The following LSS variants were observed in gnomAD, a reference collection of about 807,000 sequenced individuals.
LSS encodes 2,3-epoxysqualene-lanosterol cyclase.
A neutral mutation model predicts 110.3 loss-of-function variants in LSS; 90 were observed. The ratio of observed to expected loss-of-function variants is 0.82; its 90% CI spans 0.69 to 0.97. The LOEUF is 0.97. LSS is among the 50% of genes least tolerant of loss of function. The pLI is 0.00. For missense variants in LSS, 927 were observed against 990.0 expected (o/e 0.94, Z 0.85); for synonymous variants, 433 against 400.0 (o/e 1.08, Z -0.98).
chr21:46,197,610 C>CG, intron 17 of LSS, among the ~76,000 whole-genome samples: 1 of 152,318 alleles, frequency 6.6e-6, no homozygotes, highest in Middle Eastern at 3.4e-3. Flanking sequence ...AAACTGCTGC[C>CG]GGGCGCAGTG....
chr21:46,214,263 G>T (rs753592513), intron 9 of LSS, among the ~76,000 whole-genome samples: 8 of 152,250 alleles, frequency 5.3e-5, no homozygotes, highest in Non-Finnish European at 1.0e-4. Context: ...CCTCAGAACA[G>T]AATGTTCCAG....
chr21:46,199,399 C>T (rs2079950729), intron 17 of LSS, among the ~76,000 whole-genome samples: 1 of 152,218 alleles, frequency 6.6e-6, no homozygotes, highest in South Asian at 2.1e-4. Context: ...CAACAAAACG[C>T]TCATCATTGC....
chr21:46,190,943 TCCCCATCCCTGCCTCCAGC>T lies in LSS; in HGVS notation c.*142_*160del. 2 of 774,844 alleles carry T rather than the reference TCCCCATCCCTGCCTCCAGC, an allele frequency of 2.6e-6. No homozygotes were observed. The highest frequency in any genetic ancestry group is 3.5e-5 in the African/African-American group (2 of 56,552). 48.0% of individuals were successfully genotyped at this position (774,844 alleles called of 1,614,324 possible). A position where few individuals can be genotyped will look rare whatever the true frequency, so the allele number is the denominator to read the frequency against. On this transcript the variant is annotated 3_prime_UTR_variant, in exon 22 of 22. Coordinates refer to ENST00000397728, the MANE Select transcript of LSS (RefSeq NM_002340.6). The surrounding 1 kb of genome is among the most constrained non-coding windows in gnomAD (Gnocchi z 4.6). ...TCAAGAGTCTAAGCCACCCACCCTG[TCCCCATCCCTGCCTCCAGC>T]CTGGCCCCCAGATTCACATCTATGA...
intron 13 of LSS, among the ~76,000 whole-genome samples, chr21:46,208,943 G>T (rs1012814989): frequency 1.3e-5 from 2 of 152,188 alleles, no homozygotes; most frequent in African/African-American, 4.8e-5. Flanking sequence ...AGACGGGGCT[G>T]GGGGGCAGCG....
Position 46,208,592 on chromosome 21 carries a change from G to C in LSS, c.1267-291C>G, listed in dbSNP as rs571725453. ...TCCCCTGTGATCTCCCCACCGGCCAGAAGGCAGGGAGGGGGCCCAGGTCTC... is the reference window on the plus strand; with the variant it reads ...TCCCCTGTGATCTCCCCACCGGCCACAAGGCAGGGAGGGGGCCCAGGTCTC... On this transcript the variant is annotated intron_variant, in intron 13 of 21. Coordinates refer to ENST00000397728, the MANE Select transcript of LSS (RefSeq NM_002340.6). 3.0e-4 allele frequency among the ~76,000 whole-genome samples: 45 copies of C among 152,318 alleles called. No homozygotes were observed. In the South Asian group the frequency reaches 9.3e-3, roughly 32 times the overall value.
intron 11 of LSS, among the ~76,000 whole-genome samples, chr21:46,212,794 G>T (rs150180852): frequency 1.3e-4 from 20 of 152,268 alleles, no homozygotes; most frequent in Non-Finnish European, 2.1e-4. Flanking sequence ...AGATCATCAG[G>T]GCAAAAAGCA....
In LSS at chr21:46,189,046, C is replaced by T. The variant is rs1318730720; in HGVS notation, c.*2058G>A. ...CAGGCTGGGCCTCCCACTCGCCCCA[C>T]AGGCAGGTGACGTATGACAGCCAGA... On this transcript the variant is annotated 3_prime_UTR_variant, in exon 22 of 22. Coordinates refer to ENST00000397728, the MANE Select transcript of LSS (RefSeq NM_002340.6). 3 of 296,090 alleles carry T rather than the reference C, an allele frequency of 1.0e-5. No individual in the cohort carries two copies. Among genetic ancestry groups the T allele is most frequent in the East Asian group, 1.7e-4 (2 of 11,834 alleles). 18.3% of individuals were successfully genotyped at this position (296,090 alleles called of 1,614,324 possible). A position where few individuals can be genotyped will look rare whatever the true frequency, so the allele number is the denominator to read the frequency against.
intron 20 of LSS, chr21:46,192,352 C>A: frequency 2.5e-6 from 1 of 403,598 alleles, no homozygotes; most frequent in Non-Finnish European, 4.8e-6. Flanking sequence ...GCTCAGCGGG[C>A]CCAGCTCAAC....
chr21:46,221,708 G>T, intron 5 of LSS, 146 bp downstream of exon 5: 2 of 1,193,796 alleles, frequency 1.7e-6, no homozygotes, highest in Non-Finnish European at 1.2e-6. Flanking sequence ...AACAGTGTCT[G>T]CCTACTTCTG....
chr21:46,227,509 T>C, intron 3 of LSS, 43 bp downstream of exon 3: 1 of 1,610,686 alleles, frequency 6.2e-7, no homozygotes, highest in African/African-American at 1.3e-5. Context: ...CCAAGGGTGA[T>C]CCAGGGTGGC....
At chr21:46,205,776 G>T (rs868786487) in intron 17 of LSS, 60 bp downstream of exon 17, 4 of 1,337,560 alleles carry the variant, frequency 3.0e-6, no homozygotes, top group Non-Finnish European at 4.2e-6. Flanking sequence ...AGAATGATGC[G>T]TCTGGGTCTT....
chr21:46,209,441 A>T lies in LSS; in HGVS notation c.1266+113T>A. The T allele has an allele frequency of 1.1e-6, 1 of 944,012 alleles. No individual in the cohort carries two copies. Among genetic ancestry groups the T allele is most frequent in the Non-Finnish European group, 1.6e-6 (1 of 634,922 alleles). The allele number at this position is 944,012 out of a possible 1,614,324, so 58.5% of individuals were successfully genotyped here. ...TGGGAGGGTGGGGGTGACCTGAAAC[A>T]CCAGTGCAGGAAATAGGGCAGGGTG... is the stretch of plus-strand genomic sequence containing the variant. On this transcript the variant is annotated intron_variant, in intron 13 of 21. Coordinates refer to ENST00000397728, the MANE Select transcript of LSS (RefSeq NM_002340.6). This position sits in a 1 kb window ranked among gnomAD's most constrained non-coding sequence, Gnocchi z 4.4.
In LSS at chr21:46,222,673, G is replaced by A. The variant is rs903364744; in HGVS notation, c.385C>T (p.Arg129Trp). 26 of 1,613,684 alleles carry A rather than the reference G, an allele frequency of 1.6e-5. No individual in the cohort carries two copies. The highest frequency in any genetic ancestry group is 5.3e-5 in the African/African-American group (4 of 74,954). Residue 129 changes from arginine (R) to tryptophan (W), a missense_variant, in exon 4 of 22, where the codon CGG (arginine) becomes TGG (tryptophan). Arg to Trp is a moderately radical substitution (Grantham distance 101). Transcript: ENST00000397728. ...LPAGYREEIVRYLRSVQLPDG... is the reference protein window; with the variant it reads ...LPAGYREEIVWYLRSVQLPDG... The stretch of plus-strand genomic sequence containing the variant: ...GGGAGCTGCACTGACCGCAGGTACC[G>A]CACAATCTCTTCTCTGTATCCGGCT...
intron 17 of LSS, among the ~76,000 whole-genome samples, chr21:46,202,662 T>C (rs2079994607): frequency 1.3e-5 from 2 of 152,220 alleles, no homozygotes; most frequent in South Asian, 2.1e-4. Context: ...GGTGGGAGGA[T>C]TGCTTGAGCC....
intron 17 of LSS, among the ~76,000 whole-genome samples, chr21:46,202,882 A>T (rs1010117192): frequency 1.4e-4 from 22 of 152,204 alleles, no homozygotes; most frequent in Non-Finnish European, 4.4e-5. Context: ...GCTTCAAACA[A>T]ATAAACAAAA....
chr21:46,211,062 A>G (rs1248220497), intron 11 of LSS, among the ~76,000 whole-genome samples: 1 of 152,176 alleles, frequency 6.6e-6, no homozygotes, highest in Non-Finnish European at 1.5e-5. Context: ...CTACACATAG[A>G]GCATCCAGCT....
At chr21:46,215,658 C>A in intron 8 of LSS, 27 bp downstream of exon 8, 1 of 1,533,044 alleles carries the variant, frequency 6.5e-7, no homozygotes, top group South Asian at 1.2e-5. Context: ...CCTGGGCTGC[C>A]CTGCCGGCCC....
Position 46,228,716 on chromosome 21 carries a change from G to A in LSS, c.14+16C>T. The A allele has an allele frequency of 6.2e-7, 1 of 1,602,214 alleles. No homozygotes were observed. The highest frequency in any genetic ancestry group is 8.5e-7 in the Non-Finnish European group (1 of 1,179,170). ...CCACCCCGCATTCGTCAGGAGCCCGGGGCGAGGGGACTCACGTGCCCTCCG... is the reference window on the plus strand; with the variant it reads ...CCACCCCGCATTCGTCAGGAGCCCGAGGCGAGGGGACTCACGTGCCCTCCG... On this transcript the variant is annotated intron_variant, in intron 1 of 21. Transcript: ENST00000397728.
chr21:46,225,064 A>T (rs1467212712), intron 3 of LSS, among the ~76,000 whole-genome samples: 1 of 152,230 alleles, frequency 6.6e-6, no homozygotes, highest in Non-Finnish European at 1.5e-5. Flanking sequence ...CGAGGGCACG[A>T]GCTGTTCCAG....
Sources: allele counts gnomAD v4.1 joint callset (sites outside exome capture counted in the v4.1 genomes callset), GRCh38; gene constraint gnomAD v4.1.1; non-coding constraint Gnocchi (gnomAD v3.1); transcripts MANE v1.5; gene names NCBI Gene and HGNC (gene_info 2026-07-23, HGNC 2026-07-21).